ZCWPW2: variants seen among roughly 807,000 people sequenced by gnomAD.
ZCWPW2 encodes the protein zinc finger CW-type and PWWP domain containing 2, also known as zinc finger CW-type PWWP domain protein 2.
In ZCWPW2, 45 loss-of-function variants were observed where a neutral mutation model predicts 46.6. The observed-to-expected ratio is 0.96, with a 90% CI of 0.76 to 1.24. The LOEUF (loss-of-function observed/expected upper bound fraction) is 1.24. Among genes scored for constraint, ZCWPW2 ranks in the 50% most tolerant of loss-of-function variants. The pLI, the probability that ZCWPW2 is intolerant of heterozygous loss-of-function variation, is 0.00. For synonymous variants in ZCWPW2, 152 were observed against 137.1 expected (o/e 1.11, Z -0.76); for missense variants, 429 against 403.9 (o/e 1.06, Z -0.53).
At chr3:28,435,450 G>A (rs965406051) in intron 4 of ZCWPW2, among the ~76,000 whole-genome samples, 181 bp downstream of exon 4, 1 of 150,284 alleles carries the variant, frequency 6.7e-6, no homozygotes, top group African/African-American at 2.4e-5. Context: ...ATATAAAATA[G>A]TTGTGAGAGT....
At chr3:28,420,435 T>C (rs1392157319) in intron 3 of ZCWPW2, among the ~76,000 whole-genome samples, 1 of 152,092 alleles carries the variant, frequency 6.6e-6, no homozygotes, top group East Asian at 1.9e-4. Flanking sequence ...TTGGTTATTT[T>C]TCCTGATCCT....
At chr3:28,467,597 CA>C (rs1482835071) in intron 4 of ZCWPW2, among the ~76,000 whole-genome samples, 15 of 152,136 alleles carry the variant, frequency 9.9e-5, no homozygotes, top group Admixed American at 9.8e-4. Flanking sequence ...GTGGTGGCCA[CA>C]AGGGTGCTTG....
rs141009204 is a variant in ZCWPW2, at chr3:28,355,612, A to G, written c.-134+6409A>G. The stretch of plus-strand genomic sequence containing the variant: ...TGACTTCAAACTATACTGCAAGGCT[A>G]CAGTAACCAAAATAGCATGGTACTG... On this transcript the variant is annotated intron_variant, in intron 1 of 9. Transcript: ENST00000383768. Among the ~76,000 whole-genome samples, 8 of 152,360 alleles carry G rather than the reference A, an allele frequency of 5.3e-5. No individual in the cohort carries two copies. The East Asian group carries it at 1.5e-3, about 29-fold the overall frequency.
chr3:28,365,049 C>T (rs931323375), intron 1 of ZCWPW2, among the ~76,000 whole-genome samples: 3 of 151,642 alleles, frequency 2.0e-5, no homozygotes, highest in Non-Finnish European at 2.9e-5. Flanking sequence ...GGATATTAGC[C>T]CTTTGTCAGA....
At chr3:28,474,620 TGCGC>T (rs1553640372) in intron 4 of ZCWPW2, among the ~76,000 whole-genome samples, 23 of 121,694 alleles carry the variant, frequency 1.9e-4, no homozygotes, top group East Asian at 1.4e-3. Flanking sequence ...TGTGTGTGTG[TGCGC>T]GCGCGCGCGC....
chr3:28,522,768 CA>C lies in ZCWPW2; in HGVS notation c.909+1661del, dbSNP rs1039840267. Among the ~76,000 whole-genome samples, 446 of 149,574 alleles carry C rather than the reference CA, an allele frequency of 3.0e-3. 2 individuals carry two copies. The highest frequency in any genetic ancestry group is 0.01 in the African/African-American group (416 of 40,874). On this transcript the variant is annotated intron_variant, in intron 9 of 9. Transcript: ENST00000383768. ...CTACTTTTCCAGTTGGGTTCCTTTC[CA>C]AAAAAAAAGACTTGTTTTCTATGTA...
chr3:28,374,304 T>A (rs1705432485), intron 1 of ZCWPW2, among the ~76,000 whole-genome samples: 1 of 152,184 alleles, frequency 6.6e-6, no homozygotes. Context: ...TGAGTGTAAA[T>A]AGGTGGTATT....
intron 3 of ZCWPW2, among the ~76,000 whole-genome samples, chr3:28,431,213 C>T (rs1414410228): frequency 6.6e-6 from 1 of 151,916 alleles, no homozygotes; most frequent in Non-Finnish European, 1.5e-5. Context: ...CTTAATGAAG[C>T]AAATATATCT....
At chr3:28,411,731 T>C (rs1371694957) in intron 2 of ZCWPW2, among the ~76,000 whole-genome samples, 1 of 152,102 alleles carries the variant, frequency 6.6e-6, no homozygotes, top group Non-Finnish European at 1.5e-5. Context: ...TCAGTTGCAA[T>C]CCACATTGCG....
At chr3:28,393,129 C>G (rs1036863217) in intron 2 of ZCWPW2, among the ~76,000 whole-genome samples, 2 of 151,734 alleles carry the variant, frequency 1.3e-5, no homozygotes, top group East Asian at 3.9e-4. Context: ...ACAACAGATA[C>G]CATAGAAATA....
intron 2 of ZCWPW2, among the ~76,000 whole-genome samples, chr3:28,398,520 A>G (rs1001783020): frequency 4.6e-5 from 7 of 152,200 alleles, no homozygotes; most frequent in Non-Finnish European, 8.8e-5. Flanking sequence ...GAACGACTGC[A>G]GGAATAAATC....
chr3:28,463,694 A>T (rs1559514896), intron 4 of ZCWPW2, among the ~76,000 whole-genome samples: 1 of 152,056 alleles, frequency 6.6e-6, no homozygotes, highest in Non-Finnish European at 1.5e-5. Flanking sequence ...ACATACAGAA[A>T]TTTTTTGGTG....
rs1169350277 is a variant in ZCWPW2, at chr3:28,476,964, C to T, written c.493-1850C>T. Among the ~76,000 whole-genome samples the T allele has an allele frequency of 4.9e-4, 74 of 152,180 alleles. 1 individual carries two copies. The highest frequency in any genetic ancestry group is 1.5e-5 in the Non-Finnish European group (1 of 68,026). On this transcript the variant is annotated intron_variant, in intron 4 of 9. Transcript: ENST00000383768. ...CAGTAATGCTTGTTCATCCCCCACTCACCTCTTGCTGTGCCGCCCAGTTCC... is the reference window on the plus strand; with the variant it reads ...CAGTAATGCTTGTTCATCCCCCACTTACCTCTTGCTGTGCCGCCCAGTTCC...
At chr3:28,376,753 T>C (rs1575065112) in intron 1 of ZCWPW2, among the ~76,000 whole-genome samples, 1 of 152,120 alleles carries the variant, frequency 6.6e-6, no homozygotes, top group African/African-American at 2.4e-5. Context: ...ATTTTGGTGA[T>C]GTAACTTTTG....
In ZCWPW2 at chr3:28,410,788, T is replaced by C. The variant is rs181814016; in HGVS notation, c.-13-2268T>C. Among the ~76,000 whole-genome samples, 24 of 151,892 alleles carry C rather than the reference T, an allele frequency of 1.6e-4. No individual in the cohort carries two copies. In the East Asian group the frequency reaches 4.4e-3, roughly 28 times the overall value. On this transcript the variant is annotated intron_variant, in intron 2 of 9. Coordinates refer to ENST00000383768, the MANE Select transcript of ZCWPW2 (RefSeq NM_001040432.4). ...AAAGAAAGTAAAAGGAAAGAAAGAA[T>C]TAAGAAAAGTGCAGCTATTCATTAA... is the stretch of plus-strand genomic sequence containing the variant.
At chr3:28,413,451 A>C in intron 3 of ZCWPW2, 51 bp downstream of exon 3, 3 of 1,416,682 alleles carry the variant, frequency 2.1e-6, no homozygotes, top group Admixed American at 2.3e-5. Context: ...TGCTAGGTTT[A>C]TGAATATTAA....
chr3:28,382,862 A>G (rs760332871), intron 1 of ZCWPW2, among the ~76,000 whole-genome samples: 5 of 152,162 alleles, frequency 3.3e-5, no homozygotes, highest in Non-Finnish European at 7.4e-5. Flanking sequence ...GTCTTTCCAC[A>G]TTAAGAAGTA....
chr3:28,463,638 T>G (rs1698722473), intron 4 of ZCWPW2, among the ~76,000 whole-genome samples: 1 of 152,124 alleles, frequency 6.6e-6, no homozygotes, highest in South Asian at 2.1e-4. Context: ...GGTGCCAAAC[T>G]TGCTTGGCAT....
In ZCWPW2 at chr3:28,413,360, C is replaced by G. The variant is rs1203239328; in HGVS notation, c.292C>G (p.Leu98Val). 5 of 1,610,276 alleles carry G rather than the reference C, an allele frequency of 3.1e-6. No homozygotes were observed. The highest frequency in any genetic ancestry group is 3.4e-6 in the Non-Finnish European group (4 of 1,177,234). The change falls in exon 3 of 10, where the codon CTT becomes GTT. Residue 98 changes from leucine to valine, a missense_variant. Coordinates refer to ENST00000383768, the MANE Select transcript of ZCWPW2 (RefSeq NM_001040432.4). ...TAAGATTGTCTATTCACAGCTCCCT[C>G]TTGGAAGCCTGGTTTTGGTAAAATT... ...GFKIVYSQLPLGSLVLVKLQN... is the reference protein window; with the variant it reads ...GFKIVYSQLPVGSLVLVKLQN...
Sources: gnomAD v4.1 joint callset for allele counts (sites outside exome capture counted in the v4.1 genomes callset) on GRCh38, gnomAD v4.1.1 for gene constraint, MANE v1.5 for transcripts, NCBI Gene and HGNC (gene_info 2026-07-23, HGNC 2026-07-21) for gene names.